Variants in PDZRN4 observed in about 807,000 individuals in gnomAD.
PDZRN4 encodes the protein PDZ domain-containing RING finger protein 4.
In PDZRN4, 70 loss-of-function variants were observed where a neutral mutation model predicts 99.0. That is an observed-to-expected ratio of 0.71 (90% CI 0.58 to 0.86). PDZRN4 has a LOEUF of 0.86. Among genes scored for constraint, PDZRN4 ranks in the 40% least tolerant of loss-of-function variants. PDZRN4 has a pLI of 0.00. For synonymous variants in PDZRN4, 551 were observed against 501.6 expected, an observed-to-expected ratio of 1.10 and a Z score of -1.32; for missense variants, 1,474 against 1,331.2, an observed-to-expected ratio of 1.11 and a Z score of -1.67.
At chr12:41,269,824 T>C (rs1951301820) in intron 3 of PDZRN4, among the ~76,000 whole-genome samples, 1 of 152,186 alleles carries the variant, frequency 6.6e-6, no homozygotes, top group Non-Finnish European at 1.5e-5. Context: ...AGACTTGCTA[T>C]GCACAGACCT....
At chr12:41,551,691 C>T (rs1036553837) in intron 5 of PDZRN4, among the ~76,000 whole-genome samples, 6 of 152,172 alleles carry the variant, frequency 3.9e-5, no homozygotes, top group Non-Finnish European at 8.8e-5. Context: ...GACTTCACTT[C>T]TAATTTAAAT....
intron 3 of PDZRN4, among the ~76,000 whole-genome samples, chr12:41,459,353 G>A (rs1276298445): frequency 6.6e-6 from 1 of 152,144 alleles, no homozygotes; most frequent in Non-Finnish European, 1.5e-5. Flanking sequence ...TTTTCATGTG[G>A]AAGTTAAAAA....
chr12:41,203,396 A>G (rs1950829558), intron 3 of PDZRN4, among the ~76,000 whole-genome samples: 1 of 152,014 alleles, frequency 6.6e-6, no homozygotes, highest in Non-Finnish European at 1.5e-5. Flanking sequence ...TTAGGAGGTG[A>G]GAGAGGATAG....
chr12:41,543,573 G>A (rs1180275895), intron 5 of PDZRN4, among the ~76,000 whole-genome samples: 1 of 152,110 alleles, frequency 6.6e-6, no homozygotes, highest in Non-Finnish European at 1.5e-5. Context: ...AATTCCAAAG[G>A]TTTATTGTTT....
chr12:41,319,637 A>G (rs1177651106), intron 3 of PDZRN4, among the ~76,000 whole-genome samples: 1 of 152,092 alleles, frequency 6.6e-6, no homozygotes, highest in Non-Finnish European at 1.5e-5. Context: ...CTCATGAATA[A>G]CCTGCCCACC....
chr12:41,426,502 T>C (rs1952537949), intron 3 of PDZRN4, among the ~76,000 whole-genome samples: 1 of 152,160 alleles, frequency 6.6e-6, no homozygotes, highest in Non-Finnish European at 1.5e-5. Context: ...AGAGTATATC[T>C]TATTGAAAAA....
chr12:41,295,524 C>T (rs1565544467), intron 3 of PDZRN4, among the ~76,000 whole-genome samples: 1 of 152,016 alleles, frequency 6.6e-6, no homozygotes, highest in Non-Finnish European at 1.5e-5. Flanking sequence ...CCCTATATCA[C>T]CCCCTCACCA....
chr12:41,405,639 C>A (rs963927850), intron 3 of PDZRN4, among the ~76,000 whole-genome samples: 2 of 152,186 alleles, frequency 1.3e-5, no homozygotes, highest in African/African-American at 2.4e-5. Context: ...CAAAAAGACA[C>A]ATGCGCTCAT....
chr12:41,322,706 C>T (rs545859155), intron 3 of PDZRN4, among the ~76,000 whole-genome samples: 2 of 151,848 alleles, frequency 1.3e-5, no homozygotes, highest in East Asian at 3.9e-4. Context: ...CCATGTTAGC[C>T]AGGATGGTCT....
chr12:41,314,373 A>G (rs1440370953), intron 3 of PDZRN4, among the ~76,000 whole-genome samples: 1 of 152,196 alleles, frequency 6.6e-6, no homozygotes, highest in African/African-American at 2.4e-5. Context: ...CTTAGTGCTC[A>G]TGATATCAAG....
At chr12:41,468,486 A>G (rs1380876969) in intron 3 of PDZRN4, among the ~76,000 whole-genome samples, 2 of 152,234 alleles carry the variant, frequency 1.3e-5, no homozygotes, top group Admixed American at 1.3e-4. Flanking sequence ...CTGTAGTTTA[A>G]CCAAAAGGGA....
At chr12:41,227,636 T>C (rs1431116) in intron 3 of PDZRN4, among the ~76,000 whole-genome samples, 3 of 151,776 alleles carry the variant, frequency 2.0e-5, no homozygotes, top group African/African-American at 7.3e-5. Flanking sequence ...TTGCACTCCA[T>C]CCTTGACAAC....
At position 41,208,569 on chromosome 12, in the gene PDZRN4, A is replaced by G. The variant is rs1950865980; in HGVS notation, c.843+14381A>G. On this transcript the variant is annotated intron_variant, in intron 3 of 9. Transcript: ENST00000402685. The stretch of plus-strand genomic sequence containing the variant: ...TTTTAGAATAATCACAACCTAATGC[A>G]TTTGCTTATCATCTCTACTATATCC... Among the ~76,000 whole-genome samples, 2 of 151,936 alleles carry G rather than the reference A, an allele frequency of 1.3e-5. 1 individual carries two copies. Among genetic ancestry groups the G allele is most frequent in the Non-Finnish European group, 2.9e-5 (2 of 67,918 alleles).
chr12:41,541,449 CTT>C (rs66828349), intron 5 of PDZRN4, among the ~76,000 whole-genome samples: 52,079 of 137,040 alleles, frequency 0.38, 10,813 homozygotes, highest in African/African-American at 0.61. Context: ...TTCTTCTAGA[CTT>C]TTTTTTTTTT....
intron 3 of PDZRN4, among the ~76,000 whole-genome samples, chr12:41,363,124 T>C (rs1302911815): frequency 6.6e-6 from 1 of 152,074 alleles, no homozygotes; most frequent in Non-Finnish European, 1.5e-5. Flanking sequence ...ACTAGTCTTT[T>C]ATTTGGTATT....
chr12:41,198,647 T>C (rs1445487421), intron 3 of PDZRN4, among the ~76,000 whole-genome samples: 4 of 148,684 alleles, frequency 2.7e-5, no homozygotes, highest in Non-Finnish European at 6.0e-5. Flanking sequence ...CATTAGGAGA[T>C]ATACCTAATG....
intron 3 of PDZRN4, among the ~76,000 whole-genome samples, chr12:41,458,882 G>A (rs1592067820): frequency 6.6e-6 from 1 of 152,152 alleles, no homozygotes; most frequent in Non-Finnish European, 1.5e-5. Flanking sequence ...AGGGGGTTAG[G>A]GAGAGAAAGA....
intron 3 of PDZRN4, among the ~76,000 whole-genome samples, chr12:41,485,779 C>T (rs1337151952): frequency 2.0e-5 from 3 of 152,076 alleles, no homozygotes; most frequent in South Asian, 2.1e-4. Context: ...CCTTAATTTA[C>T]TATTTGTGTT....
At chr12:41,348,243 T>C (rs11180842) in intron 3 of PDZRN4, among the ~76,000 whole-genome samples, 57,179 of 152,006 alleles carry the variant, frequency 0.38, 10,834 homozygotes, top group Non-Finnish European at 0.39. Flanking sequence ...TCTTAACTAT[T>C]CTGTGCTGTA....
Sources: allele counts gnomAD v4.1 joint callset (sites outside exome capture counted in the v4.1 genomes callset), GRCh38; gene constraint gnomAD v4.1.1; transcripts MANE v1.5; gene names NCBI Gene and HGNC (gene_info 2026-07-23, HGNC 2026-07-21).